ARHGEF10: variants seen among roughly 807,000 people sequenced by gnomAD.
ARHGEF10 encodes Rho guanine nucleotide exchange factor 10.
ARHGEF10 carries 140 observed loss-of-function variants against 147.4 expected under a neutral mutation model. That is an observed-to-expected ratio of 0.95 (90% CI 0.83 to 1.09). ARHGEF10 has a LOEUF of 1.09. Ranked by LOEUF, ARHGEF10 falls within the 50% of genes least tolerant of loss-of-function variation. ARHGEF10 has a pLI of 0.00. For synonymous variants in ARHGEF10, 902 were observed against 695.8 expected, an observed-to-expected ratio of 1.30 and a Z score of -4.67; for missense variants, 2,222 against 1,752.7, an observed-to-expected ratio of 1.27 and a Z score of -4.78.
At chr8:1,856,394 G>A (rs1352857364) in intron 2 of ARHGEF10, among the ~76,000 whole-genome samples, 1 of 152,212 alleles carries the variant, frequency 6.6e-6, no homozygotes, top group Non-Finnish European at 1.5e-5. Flanking sequence ...TCCAGTTCAC[G>A]CTGTCGTGGG....
intron 27 of ARHGEF10, among the ~76,000 whole-genome samples, chr8:1,946,476 C>T (rs572023481): frequency 6.6e-6 from 1 of 152,326 alleles, no homozygotes; most frequent in South Asian, 2.1e-4. Flanking sequence ...GATCTGCTTC[C>T]TGCTTTGCAG....
intron 9 of ARHGEF10, among the ~76,000 whole-genome samples, chr8:1,881,872 T>C (rs1483577006): frequency 2.0e-5 from 3 of 152,106 alleles, no homozygotes; most frequent in African/African-American, 7.2e-5. Flanking sequence ...CCATAAGAGA[T>C]CATCTTTTAA....
intron 7 of ARHGEF10, among the ~76,000 whole-genome samples, chr8:1,875,396 A>G (rs1355381787): frequency 6.6e-6 from 1 of 152,112 alleles, no homozygotes; most frequent in Non-Finnish European, 1.5e-5. Context: ...GTAGGCTCTC[A>G]GGATGACTCT....
chr8:1,903,540 G>A lies in ARHGEF10; in HGVS notation c.1821+89G>A, dbSNP rs746186260. ...GTTGTCCAGCAATACTAATCTTTTGGATCGTTTGGAGTAATTCCCTTCGCC... is the reference window on the plus strand; with the variant it reads ...GTTGTCCAGCAATACTAATCTTTTGAATCGTTTGGAGTAATTCCCTTCGCC... On this transcript the variant is annotated intron_variant, in intron 16 of 28. Coordinates refer to ENST00000349830, the MANE Select transcript of ARHGEF10 (RefSeq NM_014629.4). The A allele has an allele frequency of 2.6e-6, 4 of 1,536,552 alleles. No individual in the cohort carries two copies. The East Asian group carries it at 9.3e-5, about 36-fold the overall frequency.
intron 18 of ARHGEF10, among the ~76,000 whole-genome samples, chr8:1,918,871 C>A (rs1256003073): frequency 6.7e-6 from 1 of 150,168 alleles, no homozygotes; most frequent in Non-Finnish European, 1.5e-5. Context: ...GATGATGGAG[C>A]TGCTTTGTGG....
chr8:1,841,836 A>AGGCGCCGAACCACGAGGCCAGGTG (rs1563161335), intron 1 of ARHGEF10, among the ~76,000 whole-genome samples: 6 of 74,686 alleles, frequency 8.0e-5, no homozygotes, highest in Admixed American at 5.4e-4. Context: ...TGGGGCCGCG[A>AGGCGCCGAACCACGAGGCCAGGTG]CGGGAACTGG....
chr8:1,883,916 A>G (rs1395068573), intron 10 of ARHGEF10, among the ~76,000 whole-genome samples: 2 of 151,964 alleles, frequency 1.3e-5, no homozygotes, highest in Admixed American at 6.6e-5. Context: ...GCTGATCACA[A>G]CTGCCCACCT....
chr8:1,832,744 AGG>A (rs1803248849), intron 1 of ARHGEF10, among the ~76,000 whole-genome samples: 1 of 109,068 alleles, frequency 9.2e-6, no homozygotes, highest in Non-Finnish European at 2.0e-5. Context: ...GCAGAGGCAG[AGG>A]CAGAGACAGA....
intron 25 of ARHGEF10, among the ~76,000 whole-genome samples, chr8:1,931,253 A>G (rs1813120001): frequency 6.6e-6 from 1 of 152,230 alleles, no homozygotes; most frequent in East Asian, 1.9e-4. Context: ...ATGTGTGTTG[A>G]TAGGACTTTT....
chr8:1,916,572 C>T (rs749482356), intron 18 of ARHGEF10, among the ~76,000 whole-genome samples: 13 of 152,118 alleles, frequency 8.5e-5, no homozygotes, highest in African/African-American at 2.9e-4. Flanking sequence ...CTAGGCCTTG[C>T]GCTGGGAGGA....
chr8:1,920,786 T>A (rs1585544610), intron 18 of ARHGEF10, among the ~76,000 whole-genome samples: 1 of 151,586 alleles, frequency 6.6e-6, no homozygotes, highest in African/African-American at 2.4e-5. Context: ...CTTTCGTTTT[T>A]TTTTGTTTGT....
At chr8:1,885,149 T>C (rs905138357) in intron 10 of ARHGEF10, among the ~76,000 whole-genome samples, 12 of 152,234 alleles carry the variant, frequency 7.9e-5, no homozygotes, top group Admixed American at 3.9e-4. Flanking sequence ...AGAAGAAATA[T>C]ACTAAGTGCC....
chr8:1,912,679 A>C (rs1362288603), intron 18 of ARHGEF10, among the ~76,000 whole-genome samples: 1 of 152,124 alleles, frequency 6.6e-6, no homozygotes, highest in Non-Finnish European at 1.5e-5. Context: ...GCTGGTGACC[A>C]TGGGTCCCCT....
intron 15 of ARHGEF10, among the ~76,000 whole-genome samples, chr8:1,898,919 A>C (rs562712055): frequency 5.9e-4 from 90 of 152,336 alleles, no homozygotes; most frequent in Middle Eastern, 6.8e-3. Context: ...CACATGAAAA[A>C]TGATTCTCGC....
intron 19 of ARHGEF10, 32 bp downstream of exon 19, chr8:1,923,111 T>A: frequency 6.8e-7 from 1 of 1,464,824 alleles, no homozygotes; most frequent in Non-Finnish European, 9.6e-7. Context: ...TTTAAGATTC[T>A]GCCTTTACTT....
At chr8:1,823,450 G>T (rs549601160), upstream of ARHGEF10, among the ~76,000 whole-genome samples, 258 of 133,918 alleles carry the variant, frequency 1.9e-3, no homozygotes, top group Middle Eastern at 4.0e-3. Flanking sequence ...GCGATGTTCT[G>T]GGGGGGGGAG....
chr8:1,908,271 C>T (rs960705988), intron 17 of ARHGEF10, among the ~76,000 whole-genome samples: 20 of 146,438 alleles, frequency 1.4e-4, no homozygotes, highest in Admixed American at 2.7e-4. Flanking sequence ...CGCTCTGTCA[C>T]CCAGGCTGGA....
At chr8:1,912,322 T>C (rs1484610409) in intron 18 of ARHGEF10, among the ~76,000 whole-genome samples, 3 of 151,814 alleles carry the variant, frequency 2.0e-5, no homozygotes, top group Admixed American at 2.0e-4. Context: ...GGATTGTGCA[T>C]TTGCTGTGTG....
intron 10 of ARHGEF10, among the ~76,000 whole-genome samples, chr8:1,885,074 G>A (rs192391757): frequency 5.3e-5 from 8 of 152,264 alleles, no homozygotes; most frequent in Admixed American, 3.3e-4. Context: ...TGTGAATTTA[G>A]TTTTTGTTTA....
Sources: allele counts gnomAD v4.1 joint callset (sites outside exome capture counted in the v4.1 genomes callset), GRCh38; gene constraint gnomAD v4.1.1; transcripts MANE v1.5; gene names NCBI Gene and HGNC (gene_info 2026-07-23, HGNC 2026-07-21).